The following CADPS2 variants were observed in gnomAD, a reference collection of about 807,000 sequenced individuals.
CADPS2 encodes the protein calcium-dependent secretion activator 2.
CADPS2 carries 93 observed loss-of-function variants against 172.5 expected under a neutral mutation model. That is an observed-to-expected ratio of 0.54 (90% CI 0.46 to 0.64). CADPS2 has a LOEUF of 0.64. Ranked by LOEUF, CADPS2 falls within the 30% of genes least tolerant of loss-of-function variation. The probability of loss-of-function intolerance (pLI) is 0.00; values close to 1 mark genes in which losing one functional copy is unlikely to be tolerated. For missense variants in CADPS2, 1,420 were observed against 1,565.9 expected (o/e 0.91, Z 1.57); for synonymous variants, 546 against 555.2 (o/e 0.98, Z 0.23).
chr7:122,744,156 C>T (rs1301964040), intron 1 of CADPS2, among the ~76,000 whole-genome samples: 3 of 152,204 alleles, frequency 2.0e-5, no homozygotes, highest in African/African-American at 7.2e-5. Flanking sequence ...AGTAAACACA[C>T]TTTGCTTCTT....
At position 122,393,315 on chromosome 7, in the gene CADPS2, C is replaced by A. The variant is rs759390220; in HGVS notation, c.2889G>T (p.Lys963Asn). 6.2e-7 allele frequency: 1 copy of A among 1,613,756 alleles called. No homozygotes were observed. Among genetic ancestry groups the A allele is most frequent in the Non-Finnish European group, 8.5e-7 (1 of 1,179,746 alleles). ...CATTGGGAAGACTGTTGGCGATATTCCTGTAAAGAAACAAACAACGTGGGA... is the reference window on the plus strand; with the variant it reads ...CATTGGGAAGACTGTTGGCGATATTACTGTAAAGAAACAAACAACGTGGGA... ...GFEQETWQPV[K>N]NIANSLPNVA... The change falls in exon 22 of 30, where the codon AAG becomes AAT. Residue 963 changes from lysine (K) to asparagine (N), a missense_variant and splice_region_variant. Lys to Asn is a moderately conservative substitution (Grantham distance 94). Transcript: ENST00000449022.
At chr7:122,355,249 G>T (rs1051352990) in intron 27 of CADPS2, among the ~76,000 whole-genome samples, 2 of 152,108 alleles carry the variant, frequency 1.3e-5, no homozygotes, top group East Asian at 3.9e-4. Context: ...AACTTCAGTT[G>T]TAATTTTCAC....
intron 1 of CADPS2, among the ~76,000 whole-genome samples, chr7:122,880,512 T>C (rs546758883): frequency 4.1e-4 from 62 of 152,326 alleles, no homozygotes; most frequent in African/African-American, 1.4e-3. Context: ...GTAATCTCAC[T>C]TGTTATTGCC....
chr7:122,646,236 G>C (rs772786339), intron 3 of CADPS2, among the ~76,000 whole-genome samples: 11 of 152,010 alleles, frequency 7.2e-5, no homozygotes, highest in Non-Finnish European at 1.6e-4. Context: ...CTATATGTAA[G>C]TGCCCAACAA....
chr7:122,652,775 T>C (rs1028730882), intron 3 of CADPS2, among the ~76,000 whole-genome samples: 8 of 152,210 alleles, frequency 5.3e-5, no homozygotes, highest in African/African-American at 1.2e-4. Context: ...ATTAGCACAA[T>C]AGCTAATCTA....
At chr7:122,778,679 C>G (rs13239280) in intron 1 of CADPS2, among the ~76,000 whole-genome samples, 32,668 of 152,094 alleles carry the variant, frequency 0.21, 3,737 homozygotes, top group Middle Eastern at 0.31. Context: ...TGTGGCCTCA[C>G]GGGGTGCAAG....
chr7:122,525,347 A>G (rs1356000208), intron 8 of CADPS2, among the ~76,000 whole-genome samples: 3 of 152,120 alleles, frequency 2.0e-5, no homozygotes, highest in Non-Finnish European at 4.4e-5. Context: ...TTACAAAGGT[A>G]CCTAAATTCC....
chr7:122,491,539 T>C lies in CADPS2; in HGVS notation c.1543-119A>G, dbSNP rs2058289416. ...AAATATAACATAATTTGCACATAAA[T>C]TATTAAATTTTAGCATTTTTCAAAA... On this transcript the variant is annotated intron_variant, in intron 9 of 29. Transcript: ENST00000449022. The C allele has an allele frequency of 5.4e-6, 3 of 558,474 alleles. 1 individual carries two copies. The African/African-American group carries it at 5.8e-5, about 11-fold the overall frequency. 34.6% of individuals were successfully genotyped at this position (558,474 alleles called of 1,614,324 possible). A position where few individuals can be genotyped will look rare whatever the true frequency, so the allele number is the denominator to read the frequency against.
intron 17 of CADPS2, among the ~76,000 whole-genome samples, chr7:122,422,241 T>G (rs1263381840): frequency 6.6e-6 from 1 of 152,142 alleles, no homozygotes; most frequent in Non-Finnish European, 1.5e-5. Flanking sequence ...CCTGGGGCAC[T>G]CTCTGAAGTG....
At chr7:122,492,543 T>C (rs2058385793) in intron 9 of CADPS2, among the ~76,000 whole-genome samples, 1 of 152,136 alleles carries the variant, frequency 6.6e-6, no homozygotes, top group Non-Finnish European at 1.5e-5. Context: ...AGACGTCAGA[T>C]GCTACAACAG....
rs531870013 is a variant in CADPS2 at position 122,834,410 on chromosome 7, T to C, written c.339+51589A>G. Among the ~76,000 whole-genome samples the C allele has an allele frequency of 6.7e-4, 102 of 152,258 alleles. 1 individual carries two copies. Among genetic ancestry groups the C allele is most frequent in the African/African-American group, 2.4e-3 (99 of 41,572 alleles). On this transcript the variant is annotated intron_variant, in intron 1 of 29. Coordinates refer to ENST00000449022, the MANE Select transcript of CADPS2 (RefSeq NM_017954.11). Reference sequence around the variant, plus strand: ...ATTTCCAACTGAGGTACCGGGTTCATCTCACTGAGGTGTGTCAAACAGTGG... The same window carrying C: ...ATTTCCAACTGAGGTACCGGGTTCACCTCACTGAGGTGTGTCAAACAGTGG...
At chr7:122,799,300 A>G (rs1402694668) in intron 1 of CADPS2, among the ~76,000 whole-genome samples, 1 of 152,208 alleles carries the variant, frequency 6.6e-6, no homozygotes, top group Non-Finnish European at 1.5e-5. Flanking sequence ...CATATTTTTA[A>G]GAAGTATAGC....
intron 7 of CADPS2, among the ~76,000 whole-genome samples, chr7:122,560,427 A>G (rs2065605842): frequency 6.6e-6 from 1 of 152,198 alleles, no homozygotes; most frequent in African/African-American, 2.4e-5. Flanking sequence ...TCAAATTTTC[A>G]TACTCAAGTA....
intron 25 of CADPS2, among the ~76,000 whole-genome samples, chr7:122,361,225 T>TTG (rs1491202427): frequency 2.0e-5 from 2 of 102,130 alleles, no homozygotes; most frequent in South Asian, 3.3e-4. Flanking sequence ...AATAATACAC[T>TTG]TTTTTTTTTT....
At chr7:122,831,313 G>A (rs993809405) in intron 1 of CADPS2, among the ~76,000 whole-genome samples, 5 of 152,176 alleles carry the variant, frequency 3.3e-5, no homozygotes, top group Admixed American at 6.5e-5. Flanking sequence ...CATTACTGGT[G>A]CTGTCATTTG....
At chr7:122,627,752 C>G (rs972986239) in intron 4 of CADPS2, among the ~76,000 whole-genome samples, 3 of 152,210 alleles carry the variant, frequency 2.0e-5, no homozygotes. Context: ...CACAGATCCA[C>G]TGTCCCTCCT....
chr7:122,484,901 C>T (rs1363320238), intron 11 of CADPS2, among the ~76,000 whole-genome samples: 1 of 151,506 alleles, frequency 6.6e-6, no homozygotes. Context: ...CATATCATGA[C>T]GTGCTCATAT....
chr7:122,776,361 G>T (rs2093882645), intron 1 of CADPS2, among the ~76,000 whole-genome samples: 1 of 152,102 alleles, frequency 6.6e-6, no homozygotes, highest in Admixed American at 6.5e-5. Flanking sequence ...CAGCCATGAG[G>T]AACTATCAGT....
chr7:122,519,486 A>G (rs2130984543), intron 8 of CADPS2, among the ~76,000 whole-genome samples: 1 of 152,240 alleles, frequency 6.6e-6, no homozygotes, highest in African/African-American at 2.4e-5. Flanking sequence ...GATTTAACAC[A>G]CAAGAGTAAA....
Sources: allele counts gnomAD v4.1 joint callset (sites outside exome capture counted in the v4.1 genomes callset), GRCh38; gene constraint gnomAD v4.1.1; transcripts MANE v1.5; gene names NCBI Gene and HGNC (gene_info 2026-07-23, HGNC 2026-07-21).